SYNE2: variants seen among roughly 807,000 people sequenced by gnomAD.
SYNE2 encodes the protein spectrin repeat containing nuclear envelope protein 2, also known as nesprin-2.
A neutral mutation model predicts 856.3 loss-of-function variants in SYNE2; 431 were observed. The observed-to-expected ratio is 0.50, with a 90% CI of 0.47 to 0.55. The LOEUF is 0.55. Ranked by LOEUF, SYNE2 falls within the 20% of genes least tolerant of loss-of-function variation. SYNE2 has a pLI of 0.00. For missense variants in SYNE2, 8,129 were observed against 8,023.2 expected, an observed-to-expected ratio of 1.01 and a Z score of -0.50; for synonymous variants, 2,923 against 2,872.3, an observed-to-expected ratio of 1.02 and a Z score of -0.56.
At chr14:64,123,547 G>A (rs773678843) in intron 70 of SYNE2, among the ~76,000 whole-genome samples, 2 of 152,130 alleles carry the variant, frequency 1.3e-5, no homozygotes, top group Non-Finnish European at 2.9e-5. Flanking sequence ...GTGTACATAG[G>A]TCTCTTGCAA....
In SYNE2 at chr14:63,813,910, C is replaced by T. The variant is rs1282391271; in HGVS notation, c.-304-38591C>T. ...CTACTAAAAATACAAAAAATATTAG[C>T]CAGGTGTGGTGGCACGTACCTGTAG... On this transcript the variant is annotated intron_variant, in intron 1 of 23. Transcript: ENST00000674003. Among the ~76,000 whole-genome samples, 5 of 152,040 alleles carry T rather than the reference C, an allele frequency of 3.3e-5. No individual in the cohort carries two copies. In the South Asian group the frequency reaches 1.0e-3, roughly 32 times the overall value.
intron 1 of SYNE2, among the ~76,000 whole-genome samples, chr14:63,897,432 A>C (rs2095271042): frequency 6.6e-6 from 1 of 152,150 alleles, no homozygotes; most frequent in Admixed American, 6.5e-5. Flanking sequence ...AATCAGCGAC[A>C]GTTTATCTGT....
chr14:63,860,028 C>A (rs765905344), intron 1 of SYNE2, among the ~76,000 whole-genome samples: 15 of 135,478 alleles, frequency 1.1e-4, no homozygotes, highest in Non-Finnish European at 2.2e-4. Context: ...AGCTTTGTTG[C>A]CCAGCTGGCT....
intron 21 of SYNE2, among the ~76,000 whole-genome samples, chr14:63,992,721 A>G (rs1174049064): frequency 1.3e-5 from 2 of 152,174 alleles, no homozygotes; most frequent in Admixed American, 1.3e-4. Context: ...CAGAAGCAAG[A>G]TCCCTGCCCT....
At chr14:64,114,124 G>C (rs895470811) in intron 66 of SYNE2, among the ~76,000 whole-genome samples, 2 of 151,926 alleles carry the variant, frequency 1.3e-5, no homozygotes, top group Admixed American at 1.3e-4. Flanking sequence ...AGCATAAAAG[G>C]GCTTTGCAAC....
chr14:63,822,011 C>T (rs144840949), intron 1 of SYNE2, among the ~76,000 whole-genome samples: 398 of 151,964 alleles, frequency 2.6e-3, no homozygotes, highest in African/African-American at 9.0e-3. Flanking sequence ...GCCAACATGG[C>T]GAAACCCCGT....
At chr14:63,892,761 G>T (rs1323183524) in intron 1 of SYNE2, among the ~76,000 whole-genome samples, 3 of 150,616 alleles carry the variant, frequency 2.0e-5, no homozygotes, top group African/African-American at 7.3e-5. Flanking sequence ...TAGAGACAGG[G>T]GTCTCACTAT....
chr14:63,815,227 TCCATATATATATGG>T (rs1888921052), intron 1 of SYNE2, among the ~76,000 whole-genome samples: 1 of 127,084 alleles, frequency 7.9e-6, no homozygotes, highest in Admixed American at 8.3e-5. Context: ...CATATATATA[TCCATATATATATGG>T]ATATATATAT....
At chr14:64,204,206 A>C (rs545795658) in intron 100 of SYNE2, 1 of 152,320 alleles carries the variant, frequency 6.6e-6, no homozygotes, top group South Asian at 2.1e-4. Flanking sequence ...TTTGTGCAGA[A>C]AAGAATATTG....
Position 63,942,094 on chromosome 14 carries a change from A to G in SYNE2, c.359A>G (p.Asn120Ser). The change falls in exon 6 of 116, where the codon AAC (asparagine) becomes AGC (serine). Residue 120 changes from asparagine (N) to serine (S), a missense_variant. Around this residue, in one of 3 missense-constraint regions of SYNE2, gnomAD observed 2,422 missense variants for 2,357.4 expected, o/e 1.03. Transcript: ENST00000555002. ...NIHVTDIIDG[N>S]PSIILGLIWT... Reference sequence around the variant, plus strand: ...CATGTTACTGATATCATTGATGGAAACCCATCCATTATCCTTGGCCTAATT... The same window carrying G: ...CATGTTACTGATATCATTGATGGAAGCCCATCCATTATCCTTGGCCTAATT... The G allele has an allele frequency of 6.2e-7, 1 of 1,611,784 alleles. No individual in the cohort carries two copies. The highest frequency in any genetic ancestry group is 1.1e-5 in the South Asian group (1 of 91,040).
intron 27 of SYNE2, among the ~76,000 whole-genome samples, chr14:64,000,140 ATTAAT>A (rs1408544171): frequency 6.6e-6 from 1 of 152,236 alleles, no homozygotes; most frequent in East Asian, 1.9e-4. Flanking sequence ...TAAACCATAA[ATTAAT>A]TTAAGTTACT....
intron 47 of SYNE2, among the ~76,000 whole-genome samples, chr14:64,050,718 A>G (rs2097219279): frequency 6.6e-6 from 1 of 152,174 alleles, no homozygotes; most frequent in Non-Finnish European, 1.5e-5. Context: ...TTTTCTCATT[A>G]TCAAAAAAGT....
intron 1 of SYNE2, among the ~76,000 whole-genome samples, chr14:63,768,972 C>T (rs1886790208): frequency 6.6e-6 from 1 of 151,874 alleles, no homozygotes. Context: ...TAGGTCTAGC[C>T]AATAAGATTA....
At chr14:64,094,363 A>C (rs981119371) in intron 61 of SYNE2, among the ~76,000 whole-genome samples, 6 of 151,190 alleles carry the variant, frequency 4.0e-5, no homozygotes, top group African/African-American at 9.7e-5. Flanking sequence ...AAAAATAAAA[A>C]AACAGTGTCC....
At chr14:63,798,800 G>A (rs919306249) in intron 1 of SYNE2, among the ~76,000 whole-genome samples, 1 of 152,094 alleles carries the variant, frequency 6.6e-6, no homozygotes, top group Non-Finnish European at 1.5e-5. Flanking sequence ...GGTATGATTA[G>A]AGCAACACCC....
At chr14:63,847,769 A>G (rs1890277815) in intron 1 of SYNE2, among the ~76,000 whole-genome samples, 1 of 151,726 alleles carries the variant, frequency 6.6e-6, no homozygotes, top group Admixed American at 6.6e-5. Context: ...TATTTTTAGT[A>G]GAGATGGGGT....
chr14:63,795,429 T>A (rs1887885195), intron 1 of SYNE2, among the ~76,000 whole-genome samples: 1 of 152,186 alleles, frequency 6.6e-6, no homozygotes, highest in Non-Finnish European at 1.5e-5. Flanking sequence ...TTCTTGCTCC[T>A]CAGCTTGCAG....
At chr14:63,933,893 G>A (rs960725156) in intron 2 of SYNE2, among the ~76,000 whole-genome samples, 29 of 152,250 alleles carry the variant, frequency 1.9e-4, no homozygotes, top group African/African-American at 7.0e-4. Flanking sequence ...AAGAACAAAA[G>A]GTTCCTTATC....
chr14:64,202,773 C>G, intron 99 of SYNE2, 28 bp from the exon 100 acceptor site: 2 of 1,607,766 alleles, frequency 1.2e-6, no homozygotes. Context: ...TTTTTTGTTT[C>G]GTTTTGTTTT....
Sources: allele counts gnomAD v4.1 joint callset (sites outside exome capture counted in the v4.1 genomes callset), GRCh38; gene constraint gnomAD v4.1.1; regional missense constraint gnomAD v4.1.1; transcripts MANE v1.5; gene names NCBI Gene and HGNC (gene_info 2026-07-23, HGNC 2026-07-21).